MTA1: variants seen among roughly 807,000 people sequenced by gnomAD.
The protein encoded by MTA1 is metastasis associated 1, also known as metastasis-associated protein MTA1.
In MTA1, 15 loss-of-function variants were observed where a neutral mutation model predicts 97.0. That is an observed-to-expected ratio of 0.15 (90% CI 0.10 to 0.24). The LOEUF is 0.24. Ranked by LOEUF, MTA1 falls within the 10% of genes least tolerant of loss-of-function variation. MTA1 has a pLI of 1.00. For missense variants in MTA1, 709 were observed against 1,015.1 expected (o/e 0.70, Z 4.10); for synonymous variants, 435 against 417.5 (o/e 1.04, Z -0.51).
chr14:105,423,712 T>C (rs2081923311), intron 1 of MTA1, among the ~76,000 whole-genome samples: 1 of 152,280 alleles, frequency 6.6e-6, no homozygotes, highest in South Asian at 2.1e-4. Context: ...GGGCTTGGCA[T>C]GTGCCATCAT....
At position 105,420,266 on chromosome 14, in the gene MTA1, C is replaced by T. The variant is rs1408949272; in HGVS notation, c.28+203C>T. ...GCGGGTCGGCCCCATCGGGGGCGGG[C>T]GGGGCTCGGCGGCCCGGGGGTGGGG... On this transcript the variant is annotated intron_variant, in intron 1 of 20. Transcript: ENST00000331320. The surrounding 1 kb of genome is among the most constrained non-coding windows in gnomAD (Gnocchi z 5.3). Among the ~76,000 whole-genome samples the T allele has an allele frequency of 6.8e-6, 1 of 147,482 alleles. No individual in the cohort carries two copies. The highest frequency in any genetic ancestry group is 1.5e-5 in the Non-Finnish European group (1 of 66,428).
At chr14:105,460,988 GC>G (rs782507384) in intron 10 of MTA1, 35 bp downstream of exon 10, 1 of 1,584,614 alleles carries the variant, frequency 6.3e-7, no homozygotes, top group East Asian at 2.2e-5. Context: ...GGAGTGGCTG[GC>G]CATGCCCATC....
At chr14:105,464,192 G>T in intron 13 of MTA1, 45 bp downstream of exon 13, 1 of 1,573,226 alleles carries the variant, frequency 6.4e-7, no homozygotes, top group South Asian at 1.1e-5. Context: ...GCCCGCCTGT[G>T]GGCCGTGGTG....
chr14:105,435,984 G>GTA lies in MTA1; in HGVS notation c.29-2687_29-2686dup, dbSNP rs1449386803. On this transcript the variant is annotated intron_variant, in intron 1 of 20. Transcript: ENST00000331320. ...TATTGATCTTGTTAATAACCAGCTT[G>GTA]TAGGCTGGGCATGGTGGCTCATGCC... Among the ~76,000 whole-genome samples the GTA allele has an allele frequency of 2.6e-5, 4 of 152,106 alleles. No individual in the cohort carries two copies. The East Asian group carries it at 5.8e-4, about 22-fold the overall frequency.
At chr14:105,437,957 T>A (rs2082384185) in intron 1 of MTA1, among the ~76,000 whole-genome samples, 1 of 152,202 alleles carries the variant, frequency 6.6e-6, no homozygotes, top group African/African-American at 2.4e-5. Context: ...GTGAGAAGGC[T>A]GGAGGGCCAG....
intron 1 of MTA1, 138 bp from the exon 2 acceptor site, chr14:105,438,534 G>A: frequency 1.3e-6 from 1 of 762,412 alleles, no homozygotes; most frequent in Non-Finnish European, 2.3e-6. Flanking sequence ...CGCTTCCTCT[G>A]TTTATTCCTC....
At chr14:105,434,069 C>T (rs587763462) in intron 1 of MTA1, among the ~76,000 whole-genome samples, 26 of 152,270 alleles carry the variant, frequency 1.7e-4, no homozygotes, top group South Asian at 8.3e-4. Context: ...GTGATCTGCC[C>T]GCCTCCTGAA....
chr14:105,446,309 C>T (rs782597008), intron 3 of MTA1, among the ~76,000 whole-genome samples: 8 of 152,202 alleles, frequency 5.3e-5, no homozygotes, highest in Non-Finnish European at 1.2e-4. Flanking sequence ...TCTGACACAT[C>T]ACCTGGGGTG....
intron 1 of MTA1, among the ~76,000 whole-genome samples, chr14:105,430,796 G>GA (rs1195273156): frequency 1.4e-4 from 21 of 151,960 alleles, no homozygotes; most frequent in African/African-American, 4.6e-4. Context: ...TAATTGTTGA[G>GA]AAAAAAATCA....
At chr14:105,433,019 C>G (rs1217155336) in intron 1 of MTA1, among the ~76,000 whole-genome samples, 8 of 152,168 alleles carry the variant, frequency 5.3e-5, no homozygotes, top group Non-Finnish European at 1.2e-4. Flanking sequence ...ATAGGGGCCC[C>G]AAGACCACCC....
chr14:105,451,731 A>AC (rs1439098310), intron 6 of MTA1, among the ~76,000 whole-genome samples: 1 of 148,492 alleles, frequency 6.7e-6, no homozygotes, highest in African/African-American at 2.5e-5. Flanking sequence ...GCACCCTGAA[A>AC]CCCTCCTGCT....
At chr14:105,426,714 C>T (rs587708445) in intron 1 of MTA1, among the ~76,000 whole-genome samples, 3 of 152,346 alleles carry the variant, frequency 2.0e-5, no homozygotes, top group South Asian at 2.1e-4. Context: ...CTCTGGTCTC[C>T]GATCCTTCTT....
Position 105,470,446 on chromosome 14 carries a change from A to G in MTA1, c.*231A>G. 2.2e-6 allele frequency: 1 copy of G among 464,732 alleles called. No individual in the cohort carries two copies. The highest frequency in any genetic ancestry group is 3.7e-6 in the Non-Finnish European group (1 of 268,850). The allele number at this position is 464,732 out of a possible 1,614,324, so 28.8% of individuals were successfully genotyped here. ...AGCTTTGTGTTTACTTTTTGGCTGG[A>G]GCGGAGATGAGGGGCCACCCCGTGC... On this transcript the variant is annotated 3_prime_UTR_variant, in exon 21 of 21. Transcript: ENST00000331320.
chr14:105,421,700 C>T (rs1234497992), intron 1 of MTA1, among the ~76,000 whole-genome samples: 1 of 152,244 alleles, frequency 6.6e-6, no homozygotes, highest in African/African-American at 2.4e-5. Context: ...AGGACCTCGT[C>T]TCTCAGCCGT....
intron 3 of MTA1, among the ~76,000 whole-genome samples, chr14:105,446,500 C>G (rs1555427203): frequency 6.6e-6 from 1 of 152,034 alleles, no homozygotes; most frequent in Non-Finnish European, 1.5e-5. Flanking sequence ...GTGGGAGGAC[C>G]CTCGCATCTT....
At chr14:105,428,462 T>C (rs1218914859) in intron 1 of MTA1, among the ~76,000 whole-genome samples, 2 of 152,058 alleles carry the variant, frequency 1.3e-5, no homozygotes, top group African/African-American at 4.8e-5. Flanking sequence ...AGCTAAGTTT[T>C]TCGTTATGTT....
chr14:105,420,107 G>GCCCCCCCCCGCCGCCGCTGCCGCCT lies in MTA1; in HGVS notation c.28+49_28+50insCCCCGCCGCCGCTGCCGCCTCCCCC. ...TATGCCCGGCCCCGACCCGCCCGCA[G>GCCCCCCCCCGCCGCCGCTGCCGCCT]CCCCCACCCGCCGCCGCTGCCGCCT... On this transcript the variant is annotated intron_variant, in intron 1 of 20. Transcript: ENST00000331320. This position sits in a 1 kb window ranked among gnomAD's most constrained non-coding sequence, Gnocchi z 5.3. 1 of 879,160 alleles carries GCCCCCCCCCGCCGCCGCTGCCGCCT rather than the reference G, an allele frequency of 1.1e-6. No homozygotes were observed. The highest frequency in any genetic ancestry group is 1.4e-6 in the Non-Finnish European group (1 of 731,916). 54.5% of individuals were successfully genotyped at this position (879,160 alleles called of 1,614,324 possible).
rs1246587339 is a variant in MTA1 at position 105,464,963 on chromosome 14, C to T, written c.1534+100C>T. The T allele has an allele frequency of 4.2e-6, 6 of 1,440,724 alleles. No individual in the cohort carries two copies. The South Asian group carries it at 7.0e-5, about 17-fold the overall frequency. The allele number at this position is 1,440,724 out of a possible 1,614,324, so 89.2% of individuals were successfully genotyped here. ...CTGTAGCCCCACTGGGAGTTCTGAT[C>T]TCAGGGAGCCCCACGTCCTCCTCGG... is the stretch of plus-strand genomic sequence containing the variant. On this transcript the variant is annotated intron_variant, in intron 15 of 20. Coordinates refer to ENST00000331320, the MANE Select transcript of MTA1 (RefSeq NM_004689.4).
rs782730097 is a variant in MTA1, at chr14:105,454,288, C to T, written c.528C>T (p.Asp176=). 1.2e-6 allele frequency: 2 copies of T among 1,613,256 alleles called. No homozygotes were observed. The highest frequency in any genetic ancestry group is 1.7e-6 in the Non-Finnish European group (2 of 1,179,496). Residue 176 remains aspartate (D), a synonymous_variant, in exon 7 of 21, where the codon GAC becomes GAT. Transcript: ENST00000331320. ...GAGTAGGAAACCGGTACCAGGCAGA[C>T]ATCACCGACTTGTTAAAAGAAGGTA... is the stretch of plus-strand genomic sequence containing the variant. The part of the protein sequence containing the change: ...EIRVGNRYQA[D]ITDLLKEGEE...
Sources: gnomAD v4.1 joint callset for allele counts (sites outside exome capture counted in the v4.1 genomes callset) on GRCh38, gnomAD v4.1.1 for gene constraint, Gnocchi (gnomAD v3.1) non-coding constraint, MANE v1.5 for transcripts, NCBI Gene and HGNC (gene_info 2026-07-23, HGNC 2026-07-21) for gene names.